The following MCF2 variants were observed in gnomAD, a reference collection of about 807,000 sequenced individuals.
MCF2 encodes the protein MCF.2 cell line derived transforming sequence, also known as proto-oncogene DBL.
A neutral mutation model predicts 82.5 loss-of-function variants in MCF2; 44 were observed. The observed-to-expected ratio is 0.53, with a 90% CI of 0.42 to 0.69. MCF2 has a LOEUF of 0.69. MCF2 is among the 30% of genes least tolerant of loss of function. The pLI, the probability that MCF2 is intolerant of heterozygous loss-of-function variation, is 0.00. For missense variants in MCF2, 623 were observed against 663.1 expected (o/e 0.94, Z 0.66); for synonymous variants, 217 against 224.9 (o/e 0.96, Z 0.32).
At chrX:139,682,706 C>T (rs1335254902) in intron 1 of MCF2, among the ~76,000 whole-genome samples, 1 of 111,819 alleles carries the variant, frequency 8.9e-6, no homozygotes, top group Non-Finnish European at 1.9e-5. Flanking sequence ...GGTATCCAAA[C>T]ATATGCCTCT....
chrX:139,641,216 A>T (rs1603298027), intron 1 of MCF2, among the ~76,000 whole-genome samples: 1 of 107,766 alleles, frequency 9.3e-6, no homozygotes, highest in East Asian at 2.8e-4. Flanking sequence ...ATATATAATT[A>T]GGAACTTTCT....
At chrX:139,640,826 C>T (rs1052070024) in intron 1 of MCF2, among the ~76,000 whole-genome samples, 2 of 110,542 alleles carry the variant, frequency 1.8e-5, no homozygotes, top group African/African-American at 6.6e-5. Flanking sequence ...TCCTACATAT[C>T]ACTTAATTCA....
rs760630254 is a variant in MCF2 at position 139,586,365 on chromosome X, C to T, written c.2632+13G>A. The T allele has an allele frequency of 5.2e-6, 6 of 1,162,856 alleles. No homozygotes were observed. In the Admixed American group the frequency reaches 1.3e-4, roughly 25 times the overall value. On this transcript the variant is annotated intron_variant, in intron 23 of 24. Coordinates refer to ENST00000370576, the Ensembl canonical transcript of MCF2. ...ACCCATGAGTCTCGTCTTAAGATGA[C>T]CATGACACATACCTGTATTTGCTTC...
At chrX:139,683,338 T>G (rs753128105) in intron 1 of MCF2, among the ~76,000 whole-genome samples, 5 of 112,707 alleles carry the variant, frequency 4.4e-5, no homozygotes, top group Non-Finnish European at 9.4e-5. Flanking sequence ...TCCAAATATG[T>G]TAAATGTGAA....
chrX:139,683,805 G>A (rs890361086), intron 1 of MCF2, among the ~76,000 whole-genome samples: 16 of 111,624 alleles, frequency 1.4e-4, no homozygotes, highest in African/African-American at 5.2e-4. Context: ...AATCTTTGCC[G>A]CACACTATAC....
At chrX:139,706,297 A>G (rs1935587974) in intron 1 of MCF2, among the ~76,000 whole-genome samples, 1 of 112,865 alleles carries the variant, frequency 8.9e-6, no homozygotes, top group African/African-American at 3.2e-5. Context: ...ACAATAGCAA[A>G]GACATGGAGT....
At chrX:139,683,773 C>T in intron 1 of MCF2, among the ~76,000 whole-genome samples, 1 of 111,515 alleles carries the variant, frequency 9.0e-6, no homozygotes, top group Non-Finnish European at 1.9e-5. Context: ...CCTGGAGGTG[C>T]ACATGGAAAA....
At chrX:139,592,721 C>G (rs1929630944) in intron 19 of MCF2, among the ~76,000 whole-genome samples, 1 of 111,660 alleles carries the variant, frequency 9.0e-6, no homozygotes, top group South Asian at 3.8e-4. Context: ...GCAACTGGCC[C>G]TTTGTGACGA....
chrX:139,664,115 C>A (rs949612593), intron 1 of MCF2, among the ~76,000 whole-genome samples: 1 of 110,364 alleles, frequency 9.1e-6, no homozygotes, highest in Admixed American at 9.6e-5. Context: ...AGCAATTCTC[C>A]GGCCTTAGCC....
chrX:139,666,863 T>C (rs1342243853), intron 1 of MCF2, among the ~76,000 whole-genome samples: 1 of 111,952 alleles, frequency 8.9e-6, no homozygotes, highest in Non-Finnish European at 1.9e-5. Flanking sequence ...TCAGTAGCTT[T>C]ATTTTGTCCC....
intron 1 of MCF2, among the ~76,000 whole-genome samples, chrX:139,679,548 G>C (rs1211128189): frequency 3.6e-5 from 4 of 110,588 alleles, no homozygotes; most frequent in Non-Finnish European, 7.6e-5. Flanking sequence ...ACAGAAACCA[G>C]TTAGACACTG....
At chrX:139,629,475 A>G (rs754890212) in intron 4 of MCF2, among the ~76,000 whole-genome samples, 17 of 112,203 alleles carry the variant, frequency 1.5e-4, no homozygotes, top group Non-Finnish European at 3.0e-4. Context: ...TTTTTAAATA[A>G]CTTCTCAAAT....
At chrX:139,603,874 C>G (rs1457743738) in intron 15 of MCF2, among the ~76,000 whole-genome samples, 2 of 111,620 alleles carry the variant, frequency 1.8e-5, no homozygotes, top group African/African-American at 6.5e-5. Context: ...AGTTAGAACA[C>G]GTTGAGCAAG....
chrX:139,673,533 T>G (rs776385492), intron 1 of MCF2, among the ~76,000 whole-genome samples: 1 of 112,129 alleles, frequency 8.9e-6, no homozygotes, highest in African/African-American at 3.2e-5. Flanking sequence ...TCTCATTGGT[T>G]TCAAAGAACA....
intron 1 of MCF2, among the ~76,000 whole-genome samples, chrX:139,681,582 G>A (rs767700213): frequency 2.7e-5 from 3 of 111,607 alleles, no homozygotes; most frequent in African/African-American, 3.3e-5. Context: ...CAAAATTTTC[G>A]TAATGAAGTA....
chrX:139,667,367 C>T (rs770019288), intron 1 of MCF2, among the ~76,000 whole-genome samples: 2 of 110,719 alleles, frequency 1.8e-5, no homozygotes, highest in East Asian at 5.8e-4. Flanking sequence ...CTTGGCCTCC[C>T]AAAGCACTAG....
At chrX:139,686,108 T>C (rs1258324320) in intron 1 of MCF2, among the ~76,000 whole-genome samples, 1 of 107,918 alleles carries the variant, frequency 9.3e-6, no homozygotes, top group East Asian at 2.9e-4. Flanking sequence ...TAGGTATTGA[T>C]GGAACGTACC....
chrX:139,632,192 T>C (rs748631465), intron 2 of MCF2, 143 bp downstream of exon 5: 243 of 397,696 alleles, frequency 6.1e-4, no homozygotes, highest in Non-Finnish European at 9.0e-4. Flanking sequence ...GAAAGACTTT[T>C]GGGCATTTCA....
intron 1 of MCF2, among the ~76,000 whole-genome samples, chrX:139,658,132 A>T (rs1934247073): frequency 8.9e-6 from 1 of 111,736 alleles, no homozygotes. Flanking sequence ...TAAGGGAGGC[A>T]GGAGGAACTT....
Sources: gnomAD v4.1 joint callset for allele counts (sites outside exome capture counted in the v4.1 genomes callset) on GRCh38, gnomAD v4.1.1 for gene constraint, MANE v1.5 for transcripts, NCBI Gene and HGNC (gene_info 2026-07-23, HGNC 2026-07-21) for gene names.